The following ERMP1 variants were observed in gnomAD, a reference collection of about 807,000 sequenced individuals.
ERMP1 encodes Felix-ina.
ERMP1 carries 86 observed loss-of-function variants against 92.0 expected under a neutral mutation model. That is an observed-to-expected ratio of 0.93 (90% confidence interval 0.79 to 1.12). ERMP1 has a LOEUF of 1.12. ERMP1 is among the 50% of genes most tolerant of loss of function. The pLI is 0.00. For missense variants in ERMP1, 1,342 were observed against 1,116.3 expected (o/e 1.20, Z -2.88); for synonymous variants, 530 against 412.8 (o/e 1.28, Z -3.44).
chr9:5,839,598 G>A (rs540229744), intron 6 of ERMP1, among the ~76,000 whole-genome samples: 21 of 152,258 alleles, frequency 1.4e-4, no homozygotes, highest in African/African-American at 4.6e-4. Context: ...GCACATCTAG[G>A]TGTGCGCACC....
At chr9:5,819,378 C>T (rs559869135) in intron 4 of ERMP1, among the ~76,000 whole-genome samples, 1 of 152,252 alleles carries the variant, frequency 6.6e-6, no homozygotes, top group African/African-American at 2.4e-5. Context: ...TGCACAAATG[C>T]CTGATAACAA....
In ERMP1 at chr9:5,830,785, A is replaced by G. The variant is rs1469071493; in HGVS notation, c.582T>C (p.Asp194=). The G allele has an allele frequency of 6.2e-7, 1 of 1,614,156 alleles. No homozygotes were observed. The highest frequency in any genetic ancestry group is 1.7e-5 in the Admixed American group (1 of 60,024). The change falls in exon 2 of 15, where the codon GAT becomes GAC. Residue 194 remains aspartate (D), a synonymous_variant. Transcript: ENST00000339450. The part of the protein sequence containing the change: ...TNVVVKLEPR[D]GAQHAVLANC... ...TAGCCAAGACAGCATGCTGGGCTCC[A>G]TCTCTGGGTTCCAGCTTTACCACAA...
chr9:5,820,144 C>G (rs1033078797), intron 4 of ERMP1, among the ~76,000 whole-genome samples: 1 of 151,938 alleles, frequency 6.6e-6, no homozygotes, highest in Non-Finnish European at 1.5e-5. Flanking sequence ...ACTAAAAATA[C>G]AAAAATTAGC....
chr9:5,864,644 C>G (rs1333626204), intron 5 of ERMP1, among the ~76,000 whole-genome samples: 3 of 152,158 alleles, frequency 2.0e-5, no homozygotes, highest in African/African-American at 7.2e-5. Flanking sequence ...AAGAAGCCAG[C>G]TTTTCCAGAT....
chr9:5,813,877 C>T (rs986772358), intron 4 of ERMP1, among the ~76,000 whole-genome samples: 5 of 147,168 alleles, frequency 3.4e-5, no homozygotes, highest in South Asian at 2.1e-4. Flanking sequence ...TATAATTATA[C>T]GTATATTTAT....
At chr9:5,834,499 A>G (rs969245831), upstream of ERMP1, among the ~76,000 whole-genome samples, 2 of 152,226 alleles carry the variant, frequency 1.3e-5, no homozygotes, top group African/African-American at 4.8e-5. Flanking sequence ...TATGTAGTCA[A>G]TAGATATTTC....
At chr9:5,832,528 A>C in intron 1 of ERMP1, 162 bp downstream of exon 1, 1 of 532,376 alleles carries the variant, frequency 1.9e-6, no homozygotes, top group South Asian at 3.1e-5. Context: ...CAGACCCCAG[A>C]AGAAGGACAA....
chr9:5,802,326 C>T (rs1352673605), intron 10 of ERMP1, among the ~76,000 whole-genome samples: 1 of 152,132 alleles, frequency 6.6e-6, no homozygotes, highest in Non-Finnish European at 1.5e-5. Flanking sequence ...CCCCTTTATG[C>T]CTTCTTCATT....
In ERMP1 at chr9:5,817,025, A is replaced by C. The variant is rs570898146; in HGVS notation, c.875-3990T>G. Among the ~76,000 whole-genome samples the C allele has an allele frequency of 5.9e-5, 9 of 151,568 alleles. No homozygotes were observed. The South Asian group carries it at 8.4e-4, about 14-fold the overall frequency. ...ACCATTCTCCTGCCTCAGCCTCCCA[A>C]GTAGCTGGGACTACAGGCGCCTGCC... On this transcript the variant is annotated intron_variant, in intron 4 of 14. Coordinates refer to ENST00000339450, the MANE Select transcript of ERMP1 (RefSeq NM_024896.3).
At chr9:5,820,691 A>G (rs1054272192) in intron 4 of ERMP1, among the ~76,000 whole-genome samples, 2 of 152,256 alleles carry the variant, frequency 1.3e-5, no homozygotes, top group Non-Finnish European at 1.5e-5. Flanking sequence ...TGTTTAACCA[A>G]AAAGTTTCCA....
rs542425560 is a variant in ERMP1 at position 5,850,478 on chromosome 9, G to A, written n.3199+8990C>T. Among the ~76,000 whole-genome samples the A allele has an allele frequency of 2.2e-4, 33 of 151,880 alleles. No individual in the cohort carries two copies. In the South Asian group the frequency reaches 6.1e-3, roughly 28 times the overall value. Reference sequence around the variant, plus strand: ...GAAAATTCCCTGGCCTTCTGGGGTGGTTGGGGGAATTGGGAGGGAGCATGT... The same window carrying A: ...GAAAATTCCCTGGCCTTCTGGGGTGATTGGGGGAATTGGGAGGGAGCATGT... On this transcript the variant is annotated intron_variant and non_coding_transcript_variant, in intron 6 of 6. Transcript: ENST00000690753.
intron 13 of ERMP1, among the ~76,000 whole-genome samples, chr9:5,792,590 T>G (rs544846732): frequency 1.2e-4 from 19 of 152,280 alleles, no homozygotes; most frequent in African/African-American, 4.3e-4. Context: ...GACTTAAACT[T>G]TAGGGCAAGA....
chr9:5,811,447 G>A, intron 6 of ERMP1, 124 bp from the exon 7 acceptor site: 3 of 694,378 alleles, frequency 4.3e-6, no homozygotes, highest in Admixed American at 3.0e-5. Flanking sequence ...TTTGAATGAA[G>A]AAATGGTTAG....
At chr9:5,805,537 A>G in intron 9 of ERMP1, 74 bp downstream of exon 9, 3 of 1,367,366 alleles carry the variant, frequency 2.2e-6, no homozygotes, top group South Asian at 1.7e-5. Context: ...TAAAACCAAA[A>G]AAGAAAGAGT....
chr9:5,801,816 C>T (rs1828684440), intron 10 of ERMP1, among the ~76,000 whole-genome samples: 2 of 152,290 alleles, frequency 1.3e-5, no homozygotes, highest in South Asian at 4.1e-4. Flanking sequence ...AGTGGACCTG[C>T]ATAAGAGGAA....
rs7028307 is a variant in ERMP1, at chr9:5,856,458, G to A, written n.3199+3010C>T. 1,571 of 169,056 alleles carry A rather than the reference G, an allele frequency of 9.3e-3. 18 individuals are homozygous for A. Among genetic ancestry groups the A allele is most frequent in the African/African-American group, 0.029 (1,205 of 41,590 alleles). The allele number at this position is 169,056 out of a possible 1,614,324, so 10.5% of individuals were successfully genotyped here. A position where few individuals can be genotyped will look rare whatever the true frequency, so the allele number is the denominator to read the frequency against. ...TGGGAGGAGTGGGGTGGCCAAAGGC[G>A]CAGCCAAGACGACCAGAGGGAGCAC... On this transcript the variant is annotated intron_variant and non_coding_transcript_variant, in intron 6 of 6. Coordinates refer to the ERMP1 transcript ENST00000690753.
intron 6 of ERMP1, among the ~76,000 whole-genome samples, chr9:5,843,624 C>T (rs1830193726): frequency 6.6e-6 from 1 of 152,198 alleles, no homozygotes; most frequent in African/African-American, 2.4e-5. Context: ...AGAGGTCAGT[C>T]TTGTCAAATG....
intron 2 of ERMP1, among the ~76,000 whole-genome samples, chr9:5,828,170 T>C (rs1829798104): frequency 6.6e-6 from 1 of 152,240 alleles, no homozygotes; most frequent in African/African-American, 2.4e-5. Flanking sequence ...TGGGTTCTAA[T>C]GGCTCACAAA....
rs1413744520 is a variant in ERMP1 at position 5,810,164 on chromosome 9, A to T, written c.1395T>A (p.Leu465=). 1.2e-6 allele frequency: 2 copies of T among 1,614,132 alleles called. No homozygotes were observed. Among genetic ancestry groups the T allele is most frequent in the Non-Finnish European group, 1.7e-6 (2 of 1,180,012 alleles). Residue 465 remains leucine (L), a synonymous_variant, in exon 8 of 15, where the codon CTT becomes CTA. Transcript: ENST00000339450. ...GITLISWFTS[L]VTVLIIAVFI... is the part of the protein sequence containing the mutation. ...ACACTGCTATAATGAGAACGGTAAC[A>T]AGGCTAGTGAACCAGCTGATCAAAG... is the stretch of plus-strand genomic sequence containing the variant.
Sources: allele counts gnomAD v4.1 joint callset (sites outside exome capture counted in the v4.1 genomes callset), GRCh38; gene constraint gnomAD v4.1.1; transcripts MANE v1.5; gene names NCBI Gene and HGNC (gene_info 2026-07-23, HGNC 2026-07-21).